ZNF484: variants seen among roughly 807,000 people sequenced by gnomAD.
ZNF484 encodes zinc finger protein 484, also known as KRAB box containing C2H2 type zinc finger bA526D8.4.
In ZNF484, 11 loss-of-function variants were observed where a neutral mutation model predicts 12.9. The observed-to-expected ratio is 0.85, with a 90% confidence interval of 0.54 to 1.41. ZNF484 has a LOEUF of 1.41. Among genes scored for constraint, ZNF484 ranks in the 40% most tolerant of loss-of-function variants. The pLI is 0.00. For synonymous variants in ZNF484, 289 were observed against 334.1 expected, an observed-to-expected ratio of 0.86 and a Z score of 1.47; for missense variants, 807 against 1,007.7, an observed-to-expected ratio of 0.80 and a Z score of 2.70.
At position 92,846,701 on chromosome 9, in the gene ZNF484, C is replaced by G. The variant is rs766484401; in HGVS notation, c.2086G>C (p.Glu696Gln). ...TTTCTTGCAAAGGCTTTCCCACATT[C>G]ACTGCACTCATAATGCCTTTCTCCA... ...HTGERHYECS[E>Q]CGKAFARKST... The change falls in exon 5 of 5, where the codon GAA becomes CAA. Residue 696 changes from glutamate to glutamine, a missense_variant. By Grantham distance (29) the Glu-to-Gln change is conservative. Coordinates refer to ENST00000375495, the MANE Select transcript of ZNF484 (RefSeq NM_031486.4). 1 of 1,613,954 alleles carries G rather than the reference C, an allele frequency of 6.2e-7. No individual in the cohort carries two copies. Among genetic ancestry groups the G allele is most frequent in the Admixed American group, 1.7e-5 (1 of 60,006 alleles).
chr9:92,874,475 C>A (rs1179811821), intron 2 of ZNF484, among the ~76,000 whole-genome samples: 1 of 152,096 alleles, frequency 6.6e-6, no homozygotes, highest in African/African-American at 2.4e-5. Flanking sequence ...CCACACCTGG[C>A]TAATTTTTGT....
intron 2 of ZNF484, among the ~76,000 whole-genome samples, chr9:92,865,945 C>G (rs1857044654): frequency 6.6e-6 from 1 of 152,132 alleles, no homozygotes; most frequent in Non-Finnish European, 1.5e-5. Context: ...GAAATGTTCA[C>G]AAGAGCATAT....
intron 4 of ZNF484, among the ~76,000 whole-genome samples, chr9:92,850,753 A>G (rs1856024710): frequency 6.6e-6 from 1 of 152,202 alleles, no homozygotes; most frequent in South Asian, 2.1e-4. Context: ...ATGTATTTGT[A>G]AAAATACAAA....
At chr9:92,853,714 A>ACC (rs1404225358) in intron 4 of ZNF484, among the ~76,000 whole-genome samples, 3 of 152,184 alleles carry the variant, frequency 2.0e-5, no homozygotes, top group Non-Finnish European at 4.4e-5. Flanking sequence ...CAAAGTGCAT[A>ACC]CTTGCCAGCA....
In ZNF484 at chr9:92,846,596, G is replaced by T. The variant is rs766284809; in HGVS notation, c.2191C>A (p.Gln731Lys). The T allele has an allele frequency of 6.2e-7, 1 of 1,613,574 alleles. No individual in the cohort carries two copies. The highest frequency in any genetic ancestry group is 8.5e-7 in the Non-Finnish European group (1 of 1,179,896). Residue 731 changes from glutamine to lysine, a missense_variant, in exon 5 of 5, where the codon CAG (glutamine) becomes AAG (lysine). By Grantham distance (53) the Gln-to-Lys change is moderately conservative. Coordinates refer to ENST00000375495, the MANE Select transcript of ZNF484 (RefSeq NM_031486.4). ...CTGTGTCTATTTAAGTGTGACTTCT[G>T]GATGAAGGATTTCCCACATTCATTA... ...ICNECGKSFI[Q>K]KSHLNRHRRI...
chr9:92,863,179 C>T (rs756392685), intron 2 of ZNF484, among the ~76,000 whole-genome samples: 108 of 149,834 alleles, frequency 7.2e-4, no homozygotes, highest in Non-Finnish European at 1.5e-3. Flanking sequence ...GAAAACCAAA[C>T]GCTACATGTT....
Position 92,848,317 on chromosome 9 carries a change from T to G in ZNF484, c.470A>C (p.Asp157Ala), listed in dbSNP as rs1348186171. ...GTTTACATGAACTATTTCCCCAATGTCCTTATATTCAAAGATGCTGTCATT... is the reference window on the plus strand; with the variant it reads ...GTTTACATGAACTATTTCCCCAATGGCCTTATATTCAAAGATGCTGTCATT... Reference protein sequence around the residue: ...LANDSIFEYKDIGEIVHVNTH... With the variant: ...LANDSIFEYKAIGEIVHVNTH... Residue 157 changes from aspartate to alanine, a missense_variant, in exon 5 of 5, where the codon GAC becomes GCC. Transcript: ENST00000375495. The surrounding 1 kb of genome is among the most constrained non-coding windows in gnomAD (Gnocchi z 4.1). 7.4e-6 allele frequency: 12 copies of G among 1,614,038 alleles called. No individual in the cohort carries two copies. The highest frequency in any genetic ancestry group is 1.0e-5 in the Non-Finnish European group (12 of 1,180,026).
At chr9:92,872,257 A>AAAAAAG (rs1857486032) in intron 2 of ZNF484, among the ~76,000 whole-genome samples, 2 of 109,406 alleles carry the variant, frequency 1.8e-5, no homozygotes, top group Admixed American at 9.2e-5. Context: ...AAAAAAAAAA[A>AAAAAAG]GTTAAAGCAG....
intron 1 of ZNF484, among the ~76,000 whole-genome samples, chr9:92,875,438 A>T (rs990158487): frequency 6.6e-6 from 1 of 152,128 alleles, no homozygotes; most frequent in Non-Finnish European, 1.5e-5. Context: ...TCTAAGTGTC[A>T]ATTGGTGCCC....
Position 92,848,932 on chromosome 9 carries a change from A to C in ZNF484, c.236-381T>G, listed in dbSNP as rs1855882787. 1.3e-5 allele frequency among the ~76,000 whole-genome samples: 2 copies of C among 150,450 alleles called. No individual in the cohort carries two copies. Among genetic ancestry groups the C allele is most frequent in the Admixed American group, 1.3e-4 (2 of 15,054 alleles). ...TCCAAAATAAATAAATAAATAAATA[A>C]ATAAATAAATAAATAAATAAATAAA... On this transcript the variant is annotated intron_variant, in intron 4 of 4. Coordinates refer to ENST00000375495, the MANE Select transcript of ZNF484 (RefSeq NM_031486.4). The surrounding 1 kb of genome is among the most constrained non-coding windows in gnomAD (Gnocchi z 4.1).
In ZNF484 at chr9:92,847,999, T is replaced by C. The variant is rs146755267; in HGVS notation, c.788A>G (p.Lys263Arg). The C allele has an allele frequency of 3.1e-5, 50 of 1,614,202 alleles. No individual in the cohort carries two copies. The African/African-American group carries it at 4.7e-4, about 15-fold the overall frequency. Residue 263 changes from lysine (K) to arginine (R), a missense_variant, in exon 5 of 5, where the codon AAG becomes AGG. Lys to Arg is a conservative substitution (Grantham distance 26, BLOSUM62 2). Coordinates refer to ENST00000375495, the MANE Select transcript of ZNF484 (RefSeq NM_031486.4). ...ACTCTCATGTGCAAAGGCATGTGAC[T>C]TCGGGGAGAAAACATTTACGTAGTC... is the stretch of plus-strand genomic sequence containing the variant. ...FSDYVNVFSPKSHAFAHESIC... is the reference protein window; with the variant it reads ...FSDYVNVFSPRSHAFAHESIC...
chr9:92,849,162 G>A (rs1208920823), intron 4 of ZNF484, among the ~76,000 whole-genome samples: 1 of 151,688 alleles, frequency 6.6e-6, no homozygotes, highest in East Asian at 1.9e-4. Context: ...TCAGGAGGCT[G>A]AGGCAGGAGA....
In ZNF484 at chr9:92,848,605, A is replaced by G; in HGVS notation, c.236-54T>C. The G allele has an allele frequency of 6.7e-7, 1 of 1,481,762 alleles. No individual in the cohort carries two copies. The highest frequency in any genetic ancestry group is 8.9e-7 in the Non-Finnish European group (1 of 1,124,366). The allele number at this position is 1,481,762 out of a possible 1,614,324, so 91.8% of individuals were successfully genotyped here. A position where few individuals can be genotyped will look rare whatever the true frequency, so the allele number is the denominator to read the frequency against. ...CAAAAAGAACAATTAACAGAAAATA[A>G]GGCCAGGTGCGGTGGCTCATGCCTG... On this transcript the variant is annotated intron_variant, in intron 4 of 4. Coordinates refer to ENST00000375495, the MANE Select transcript of ZNF484 (RefSeq NM_031486.4). This position sits in a 1 kb window ranked among gnomAD's most constrained non-coding sequence, Gnocchi z 4.1.
At chr9:92,860,029 C>A (rs955615565) in intron 2 of ZNF484, among the ~76,000 whole-genome samples, 1 of 152,174 alleles carries the variant, frequency 6.6e-6, no homozygotes, top group Non-Finnish European at 1.5e-5. Flanking sequence ...GAGACTTGAT[C>A]ATGTGGACAT....
At chr9:92,862,146 T>C in intron 2 of ZNF484, 1 of 974,838 alleles carries the variant, frequency 1.0e-6, no homozygotes. Context: ...TTACCTGCCA[T>C]TGGTAGTTGA....
chr9:92,877,242 A>G (rs1157112017), intron 1 of ZNF484, among the ~76,000 whole-genome samples: 1 of 152,088 alleles, frequency 6.6e-6, no homozygotes, highest in East Asian at 1.9e-4. Context: ...TGGGAAAAAG[A>G]GAAAGTACCT....
chr9:92,863,624 G>A (rs966196321), intron 2 of ZNF484, among the ~76,000 whole-genome samples: 4 of 152,034 alleles, frequency 2.6e-5, no homozygotes, highest in African/African-American at 7.2e-5. Flanking sequence ...GAAAAAGGAG[G>A]AACTAAAGTG....
At chr9:92,853,612 G>C (rs1856244153) in intron 4 of ZNF484, among the ~76,000 whole-genome samples, 2 of 152,172 alleles carry the variant, frequency 1.3e-5, no homozygotes, top group African/African-American at 4.8e-5. Context: ...ACATGGACCT[G>C]GGCAACTTTA....
chr9:92,877,875 C>A lies in ZNF484; in HGVS notation c.-31+15G>T. ...TTCTTGCTCAGTCCACAGATGCTGCCATCCCTCTACTCACCTGCCCCTCAC... is the reference window on the plus strand; with the variant it reads ...TTCTTGCTCAGTCCACAGATGCTGCAATCCCTCTACTCACCTGCCCCTCAC... On this transcript the variant is annotated intron_variant, in intron 1 of 4. Transcript: ENST00000375495. The A allele has an allele frequency of 6.5e-7, 1 of 1,535,750 alleles. No individual in the cohort carries two copies. The highest frequency in any genetic ancestry group is 8.7e-7 in the Non-Finnish European group (1 of 1,146,850).
Sources: gnomAD v4.1 joint callset for allele counts (sites outside exome capture counted in the v4.1 genomes callset) on GRCh38, gnomAD v4.1.1 for gene constraint, Gnocchi (gnomAD v3.1) non-coding constraint, MANE v1.5 for transcripts, NCBI Gene and HGNC (gene_info 2026-07-23, HGNC 2026-07-21) for gene names.